Variants in MEI4 observed in about 807,000 individuals in gnomAD.
MEI4 encodes meiotic double-stranded break formation protein 4, also known as meiosis-specific protein MEI4.
Under a neutral mutation model 31.4 loss-of-function variants are expected in MEI4, and 27 were observed. That is an observed-to-expected ratio of 0.86 (90% confidence interval 0.63 to 1.19). MEI4 has a LOEUF of 1.19. Ranked by LOEUF, MEI4 falls within the 50% of genes most tolerant of loss-of-function variation. The pLI is 0.00. For synonymous variants in MEI4, 122 were observed against 145.4 expected (o/e 0.84, Z 1.16); for missense variants, 329 against 398.9 (o/e 0.82, Z 1.49).
intron 4 of MEI4, among the ~76,000 whole-genome samples, chr6:77,880,487 T>C (rs1391019134): frequency 6.6e-6 from 1 of 152,224 alleles, no homozygotes; most frequent in Non-Finnish European, 1.5e-5. Context: ...TATGTCATTT[T>C]GTATAAAGAA....
rs372328144 is a variant in MEI4, at chr6:77,864,104, C to T, written c.900+35042C>T. Among the ~76,000 whole-genome samples the T allele has an allele frequency of 5.9e-5, 9 of 152,224 alleles. No individual in the cohort carries two copies. In the South Asian group the frequency reaches 8.3e-4, roughly 14 times the overall value. On this transcript the variant is annotated intron_variant, in intron 4 of 4. Coordinates refer to ENST00000684080, the MANE Select transcript of MEI4 (RefSeq NM_001322247.2). Reference sequence around the variant, plus strand: ...AGCACTAAACATGGAAAGGAACAATCGGTACCAGCCACTGCAAAAACATGC... The same window carrying T: ...AGCACTAAACATGGAAAGGAACAATTGGTACCAGCCACTGCAAAAACATGC...
At chr6:77,917,404 C>G (rs888379388) in intron 4 of MEI4, among the ~76,000 whole-genome samples, 4 of 150,880 alleles carry the variant, frequency 2.7e-5, no homozygotes, top group African/African-American at 7.3e-5. Flanking sequence ...AAAAGTGTTC[C>G]TATTTCTCCA....
At chr6:77,787,556 A>T (rs78162701) in intron 3 of MEI4, among the ~76,000 whole-genome samples, 115 of 152,244 alleles carry the variant, frequency 7.6e-4, no homozygotes, top group Middle Eastern at 6.8e-3. Flanking sequence ...CAACAAGAGA[A>T]AGCTTTTATT....
chr6:77,871,929 T>G (rs781644897), intron 4 of MEI4, among the ~76,000 whole-genome samples: 2 of 152,128 alleles, frequency 1.3e-5, no homozygotes, highest in South Asian at 4.1e-4. Context: ...TTCTAGAATA[T>G]TATTGGCTTA....
intron 3 of MEI4, among the ~76,000 whole-genome samples, chr6:77,773,113 C>T (rs560194861): frequency 6.6e-6 from 1 of 152,098 alleles, no homozygotes; most frequent in South Asian, 2.1e-4. Flanking sequence ...AATGTTCATA[C>T]TACCCCAAGC....
chr6:77,775,270 A>C (rs765405300), intron 3 of MEI4, among the ~76,000 whole-genome samples: 18 of 151,906 alleles, frequency 1.2e-4, no homozygotes, highest in Non-Finnish European at 1.6e-4. Context: ...CATTTCTGAG[A>C]TTTTGGTTTT....
chr6:77,825,276 C>T (rs1769917793), intron 3 of MEI4, among the ~76,000 whole-genome samples: 1 of 152,048 alleles, frequency 6.6e-6, no homozygotes, highest in Admixed American at 6.6e-5. Flanking sequence ...TCATCCACTC[C>T]CCAATGATAA....
At chr6:77,852,164 G>A (rs987665072) in intron 4 of MEI4, among the ~76,000 whole-genome samples, 1 of 152,256 alleles carries the variant, frequency 6.6e-6, no homozygotes, top group East Asian at 1.9e-4. Flanking sequence ...CTGAGCCTCA[G>A]CCTCTCTGTA....
At position 77,910,528 on chromosome 6, in the gene MEI4, G is replaced by A. The variant is rs184913596; in HGVS notation, c.901-12561G>A. Among the ~76,000 whole-genome samples, 402 of 152,212 alleles carry A rather than the reference G, an allele frequency of 2.6e-3. 2 individuals carry two copies. Among genetic ancestry groups the A allele is most frequent in the African/African-American group, 9.3e-3 (386 of 41,528 alleles). On this transcript the variant is annotated intron_variant, in intron 4 of 4. Coordinates refer to ENST00000684080, the MANE Select transcript of MEI4 (RefSeq NM_001322247.2). ...TGAAGGACCTCTTCAAGGAGAACTA[G>A]AAACAACTGCTCAATGAAATAAAAG...
intron 2 of MEI4, among the ~76,000 whole-genome samples, chr6:77,751,843 T>TG (rs1767783421): frequency 1.3e-5 from 2 of 152,158 alleles, no homozygotes; most frequent in South Asian, 4.1e-4. Context: ...ATATCCCTGA[T>TG]GAACATCAAC....
At chr6:77,779,542 G>GTA (rs1428988053) in intron 3 of MEI4, among the ~76,000 whole-genome samples, 1 of 152,170 alleles carries the variant, frequency 6.6e-6, no homozygotes, top group Non-Finnish European at 1.5e-5. Flanking sequence ...AATTACATGT[G>GTA]TATAAAAGTT....
intron 2 of MEI4, among the ~76,000 whole-genome samples, chr6:77,739,042 A>G (rs1767327547): frequency 6.6e-6 from 1 of 152,122 alleles, no homozygotes. Context: ...TTGCCTGTTC[A>G]CTATGATGAT....
chr6:77,688,351 T>C (rs1040452924), intron 1 of MEI4, among the ~76,000 whole-genome samples: 3 of 152,160 alleles, frequency 2.0e-5, no homozygotes, highest in Admixed American at 1.3e-4. Flanking sequence ...TGCAAGCCTG[T>C]GCTAAACCTC....
intron 4 of MEI4, among the ~76,000 whole-genome samples, chr6:77,910,028 G>C (rs9341705): frequency 0.82 from 125,449 of 152,114 alleles, 52,216 homozygotes; most frequent in East Asian, 0.95. Flanking sequence ...TAAAAACTCT[G>C]AATAAATTAG....
chr6:77,731,013 A>C (rs1216559894), intron 2 of MEI4, among the ~76,000 whole-genome samples: 1 of 151,658 alleles, frequency 6.6e-6, no homozygotes, highest in African/African-American at 2.4e-5. Context: ...ACATTTTCTT[A>C]ATCCAGTCTA....
intron 4 of MEI4, among the ~76,000 whole-genome samples, chr6:77,920,842 C>A (rs1256071476): frequency 2.0e-5 from 3 of 151,846 alleles, no homozygotes; most frequent in Non-Finnish European, 4.4e-5. Flanking sequence ...GGAATCTTTT[C>A]TTCTGAGCTG....
chr6:77,664,992 G>A (rs1468132194), intron 1 of MEI4, among the ~76,000 whole-genome samples: 2 of 151,782 alleles, frequency 1.3e-5, no homozygotes, highest in African/African-American at 4.8e-5. Flanking sequence ...GTAGAAGGAG[G>A]AATGGAGGGT....
In MEI4 at chr6:77,789,646, A is replaced by G. The variant is rs192028204; in HGVS notation, c.768+27981A>G. 3.0e-3 allele frequency among the ~76,000 whole-genome samples: 457 copies of G among 152,362 alleles called. 4 individuals are homozygous for G. Among genetic ancestry groups the G allele is most frequent in the Middle Eastern group, 0.024 (7 of 294 alleles). On this transcript the variant is annotated intron_variant, in intron 3 of 4. Transcript: ENST00000684080. The stretch of plus-strand genomic sequence containing the variant: ...AGACATGTATGCAGCCAAAAGGCAC[A>G]TGAAAAAATGCTCTTCATCACTGGC...
At chr6:77,727,673 C>T (rs1766862204) in intron 2 of MEI4, among the ~76,000 whole-genome samples, 1 of 152,316 alleles carries the variant, frequency 6.6e-6, no homozygotes, top group African/African-American at 2.4e-5. Flanking sequence ...TGGTCTTTCA[C>T]AGTGAAGTTT....
Sources: allele counts gnomAD v4.1 joint callset (sites outside exome capture counted in the v4.1 genomes callset), GRCh38; gene constraint gnomAD v4.1.1; transcripts MANE v1.5; gene names NCBI Gene and HGNC (gene_info 2026-07-23, HGNC 2026-07-21).